RAD9B: variants seen among roughly 807,000 people sequenced by gnomAD.
The protein encoded by RAD9B is RAD9 checkpoint clamp component B, also known as cell cycle checkpoint control protein RAD9B.
A neutral mutation model predicts 48.3 loss-of-function variants in RAD9B; 41 were observed. The observed-to-expected ratio is 0.85, with a 90% CI of 0.66 to 1.10. The LOEUF is 1.10. RAD9B is among the 50% of genes least tolerant of loss of function. The pLI is 0.00. For missense variants in RAD9B, 444 were observed against 485.1 expected (o/e 0.92, Z 0.80); for synonymous variants, 160 against 157.9 (o/e 1.01, Z -0.10).
rs892536545 is a variant in RAD9B, at chr12:110,532,805, G to A, written c.*2152G>A. Among the ~76,000 whole-genome samples the A allele has an allele frequency of 6.6e-6, 1 of 152,162 alleles. No homozygotes were observed. Among genetic ancestry groups the A allele is most frequent in the Non-Finnish European group, 1.5e-5 (1 of 68,030 alleles). ...CCTACAGTATTCAGTACAGTAACATGTTATACAGGTTTGTCGCCTAGGAGC... is the reference window on the plus strand; with the variant it reads ...CCTACAGTATTCAGTACAGTAACATATTATACAGGTTTGTCGCCTAGGAGC... On this transcript the variant is annotated 3_prime_UTR_variant, in exon 11 of 11. Coordinates refer to ENST00000409300, the MANE Select transcript of RAD9B (RefSeq NM_001286535.2).
chr12:110,506,812 G>A, intron 4 of RAD9B, 119 bp downstream of exon 4: 1 of 559,356 alleles, frequency 1.8e-6, no homozygotes, highest in South Asian at 1.9e-5. Context: ...AGTGTGTGTA[G>A]TTAAGTGGTA....
In RAD9B at chr12:110,520,525, T is replaced by TG. The variant is rs201294897; in HGVS notation, c.890+609_890+610insG. 6.8e-3 allele frequency among the ~76,000 whole-genome samples: 1,033 copies of TG among 151,606 alleles called. 1 individual carries two copies. The highest frequency in any genetic ancestry group is 9.4e-3 in the Non-Finnish European group (636 of 67,876). On this transcript the variant is annotated intron_variant, in intron 9 of 10. Transcript: ENST00000409300. ...CCACATCGGGCCTTTAGTTTTTTTT[T>TG]TTGTTTTTTTTTAGGGGTAATATAG...
intron 3 of RAD9B, 119 bp downstream of exon 3, chr12:110,505,891 A>G: frequency 1.2e-6 from 1 of 806,112 alleles, no homozygotes; most frequent in Non-Finnish European, 1.8e-6. Flanking sequence ...GTTCATTATT[A>G]TTATTATTTT....
In RAD9B at chr12:110,512,657, A is replaced by G. The variant is rs752777924; in HGVS notation, c.389-122A>G. 3 of 581,710 alleles carry G rather than the reference A, an allele frequency of 5.2e-6. No individual in the cohort carries two copies. The African/African-American group carries it at 5.6e-5, about 11-fold the overall frequency. 36.0% of individuals were successfully genotyped at this position (581,710 alleles called of 1,614,324 possible). On this transcript the variant is annotated intron_variant, in intron 4 of 10. Transcript: ENST00000409300. ...AAGGAATAGTGCTTCTCCAAGGTAT[A>G]TGCACTTGCCAGATAGTAAATGTTA... is the stretch of plus-strand genomic sequence containing the variant.
rs1252418013 is a variant in RAD9B, at chr12:110,532,323, CT to C, written c.*1671del. Among the ~76,000 whole-genome samples the C allele has an allele frequency of 6.6e-6, 1 of 152,200 alleles. No homozygotes were observed. Among genetic ancestry groups the C allele is most frequent in the Non-Finnish European group, 1.5e-5 (1 of 68,046 alleles). On this transcript the variant is annotated 3_prime_UTR_variant, in exon 11 of 11. Transcript: ENST00000409300. ...GGTCTCTTTGCTGAGGATAACATTTCTGGTTCATTCATTGAAGTAGGCAGAG... is the reference window on the plus strand; with the variant it reads ...GGTCTCTTTGCTGAGGATAACATTTCGGTTCATTCATTGAAGTAGGCAGAG...
At chr12:110,502,484 C>A in intron 1 of RAD9B, 101 bp downstream of exon 1, 3 of 1,397,848 alleles carry the variant, frequency 2.1e-6, no homozygotes, top group Non-Finnish European at 2.0e-6. Flanking sequence ...CCTTTTTGCG[C>A]AATGACTGAG....
In RAD9B at chr12:110,522,309, T is replaced by C; in HGVS notation, c.1023T>C (p.Cys341=). The part of the protein sequence containing the change: ...TLTNISALEN[C]GSPAMKRVDG... ...CAAACATATCTGCATTGGAAAACTG[T>C]GGCAGCCCTGCAATGAAAAGAGTGG... The change falls in exon 10 of 11, where the codon TGT becomes TGC. Residue 341 remains cysteine (C), a synonymous_variant. Coordinates refer to ENST00000409300, the MANE Select transcript of RAD9B (RefSeq NM_001286535.2). 6.2e-7 allele frequency: 1 copy of C among 1,613,696 alleles called. No individual in the cohort carries two copies. Among genetic ancestry groups the C allele is most frequent in the Non-Finnish European group, 8.5e-7 (1 of 1,179,788 alleles).
intron 4 of RAD9B, among the ~76,000 whole-genome samples, chr12:110,508,414 C>A (rs1042807478): frequency 6.6e-6 from 1 of 152,168 alleles, no homozygotes; most frequent in Non-Finnish European, 1.5e-5. Flanking sequence ...TATTCAGTAT[C>A]TCTCAAGTAG....
chr12:110,522,516 TTTC>T (rs528886633), intron 10 of RAD9B, 105 bp downstream of exon 10: 49 of 791,476 alleles, frequency 6.2e-5, no homozygotes, highest in Non-Finnish European at 9.3e-5. Context: ...GAAAATTGAT[TTTC>T]TTATTTTTTG....
chr12:110,531,781 G>A lies in RAD9B; in HGVS notation c.*1128G>A, dbSNP rs1019072506. On this transcript the variant is annotated 3_prime_UTR_variant, in exon 11 of 11. Transcript: ENST00000409300. ...CTGGCACAAAACATTGTTATGTAAT[G>A]TCTTATGATGTGTGCCTCTCCCTCC... The A allele has an allele frequency of 3.0e-6, 2 of 656,888 alleles. No individual in the cohort carries two copies. Among genetic ancestry groups the A allele is most frequent in the Non-Finnish European group, 5.1e-6 (2 of 389,388 alleles). The allele number at this position is 656,888 out of a possible 1,614,324, so 40.7% of individuals were successfully genotyped here. A position where few individuals can be genotyped will look rare whatever the true frequency, so the allele number is the denominator to read the frequency against.
intron 6 of RAD9B, among the ~76,000 whole-genome samples, chr12:110,517,785 CACACAA>C (rs1290711745): frequency 6.8e-6 from 1 of 148,064 alleles, no homozygotes; most frequent in Non-Finnish European, 1.5e-5. Context: ...CACACACACA[CACACAA>C]ATAATTATAA....
intron 8 of RAD9B, among the ~76,000 whole-genome samples, chr12:110,519,449 A>T (rs1359520874): frequency 6.9e-6 from 1 of 144,588 alleles, no homozygotes; most frequent in African/African-American, 2.6e-5. Flanking sequence ...GTTGTTGTTG[A>T]GATGGAGTTT....
At chr12:110,502,771 G>A (rs564507254) in intron 1 of RAD9B, 7 of 168,420 alleles carry the variant, frequency 4.2e-5, no homozygotes, top group Non-Finnish European at 6.4e-5. Context: ...TTTTAAAAAT[G>A]TATGAACTTG....
In RAD9B at chr12:110,531,662, C is replaced by G. The variant is rs374151456; in HGVS notation, c.*1009C>G. On this transcript the variant is annotated 3_prime_UTR_variant, in exon 11 of 11. Coordinates refer to ENST00000409300, the MANE Select transcript of RAD9B (RefSeq NM_001286535.2). ...CAGTATCCTCCACTGCCAAGACAGC[C>G]TGAGTTTGGAGTGGAATAAGGTGGA... The G allele has an allele frequency of 2.2e-5, 35 of 1,602,428 alleles. No homozygotes were observed. The highest frequency in any genetic ancestry group is 3.0e-5 in the Non-Finnish European group (35 of 1,175,128).
intron 4 of RAD9B, among the ~76,000 whole-genome samples, chr12:110,512,523 A>G (rs1482331875): frequency 6.6e-6 from 1 of 152,208 alleles, no homozygotes; most frequent in African/African-American, 2.4e-5. Flanking sequence ...CAAGAAGAAG[A>G]AGGAAACTGC....
At chr12:110,517,973 G>GGT (rs2063659900) in intron 6 of RAD9B, among the ~76,000 whole-genome samples, 1 of 152,062 alleles carries the variant, frequency 6.6e-6, no homozygotes. Context: ...TGGATCACGA[G>GGT]GTCAGGAGAT....
chr12:110,522,110 C>A, intron 9 of RAD9B, 67 bp from the exon 10 acceptor site: 1 of 1,015,076 alleles, frequency 9.9e-7, no homozygotes, highest in Non-Finnish European at 1.5e-6. Context: ...CCACATTGTC[C>A]ATTAGTTATA....
At chr12:110,506,725 A>G (rs771369658) in intron 4 of RAD9B, 32 bp downstream of exon 4, 2 of 1,044,134 alleles carry the variant, frequency 1.9e-6, no homozygotes, top group Admixed American at 2.0e-5. Flanking sequence ...TTAAAATACT[A>G]TGTTTTTTTC....
chr12:110,505,609 T>G lies in RAD9B; in HGVS notation c.118-8T>G, dbSNP rs2063239613. The G allele has an allele frequency of 1.3e-6, 2 of 1,543,092 alleles. No individual in the cohort carries two copies. The highest frequency in any genetic ancestry group is 1.8e-6 in the Non-Finnish European group (2 of 1,142,836). ...CTCTCCTAAATAGTTTTTATCTTAT[T>G]TTTCTAGCTTGCTCTAAGATGTGTG... is the stretch of plus-strand genomic sequence containing the variant. On this transcript the variant is annotated splice_region_variant and splice_polypyrimidine_tract_variant and intron_variant, in intron 2 of 10. Coordinates refer to ENST00000409300, the MANE Select transcript of RAD9B (RefSeq NM_001286535.2).
Sources: allele counts gnomAD v4.1 joint callset (sites outside exome capture counted in the v4.1 genomes callset), GRCh38; gene constraint gnomAD v4.1.1; transcripts MANE v1.5; gene names NCBI Gene and HGNC (gene_info 2026-07-23, HGNC 2026-07-21).